The following MTCH2 variants were observed in gnomAD, a reference collection of about 807,000 sequenced individuals.
MTCH2 encodes the protein mitochondrial carrier 2.
In MTCH2, 25 loss-of-function variants were observed where a neutral mutation model predicts 50.6. The ratio of observed to expected loss-of-function variants is 0.49; its 90% CI spans 0.36 to 0.69. The LOEUF (loss-of-function observed/expected upper bound fraction) is 0.69, where lower values mean the gene tolerates loss of function less well. MTCH2 is among the 30% of genes least tolerant of loss of function. The probability of loss-of-function intolerance (pLI) is 0.00; values close to 1 mark genes in which losing one functional copy is unlikely to be tolerated. For synonymous variants in MTCH2, 106 were observed against 132.0 expected (o/e 0.80, Z 1.35); for missense variants, 273 against 384.4 (o/e 0.71, Z 2.42).
the MTCH2 span, among the ~76,000 whole-genome samples, chr11:47,605,281 G>T: frequency 6.6e-6 from 1 of 152,218 alleles, no homozygotes; most frequent in Non-Finnish European, 1.5e-5. Flanking sequence ...AACAAGAGGT[G>T]GGGAGAGCCA....
At chr11:47,642,002 G>T (rs908336503) in intron 1 of MTCH2, among the ~76,000 whole-genome samples, 1 of 152,244 alleles carries the variant, frequency 6.6e-6, no homozygotes, top group Non-Finnish European at 1.5e-5. Flanking sequence ...AGATTTTGGG[G>T]GGAGTAGTGG....
chr11:47,622,792 AC>A lies in MTCH2; in HGVS notation c.750-17del. On this transcript the variant is annotated splice_polypyrimidine_tract_variant and intron_variant, in intron 11 of 12. Coordinates refer to ENST00000302503, the MANE Select transcript of MTCH2 (RefSeq NM_014342.4). The stretch of plus-strand genomic sequence containing the variant: ...ACCAGCAAGACTAAAATAGAAAAAA[AC>A]ATGGAGCTATTCATGTTAATATTAA... The A allele has an allele frequency of 1.7e-6, 2 of 1,148,454 alleles. No homozygotes were observed. The highest frequency in any genetic ancestry group is 2.2e-6 in the Non-Finnish European group (2 of 924,104). 71.1% of individuals were successfully genotyped at this position (1,148,454 alleles called of 1,614,324 possible).
intron 8 of MTCH2, 127 bp downstream of exon 8, chr11:47,630,428 G>GA (rs1442346595): frequency 3.7e-6 from 3 of 818,776 alleles, no homozygotes; most frequent in African/African-American, 3.5e-5. Flanking sequence ...GGCCTAAATA[G>GA]AATGTAACGT....
chr11:47,611,595 G>A, the MTCH2 span, among the ~76,000 whole-genome samples: 9 of 152,162 alleles, frequency 5.9e-5, no homozygotes, highest in East Asian at 1.9e-4. Context: ...CTTTTCTTTC[G>A]TCCACGTGTC....
At position 47,625,688 on chromosome 11, in the gene MTCH2, A is replaced by G; in HGVS notation, c.735T>C (p.Ala245=). 6.2e-7 allele frequency: 1 copy of G among 1,612,900 alleles called. No individual in the cohort carries two copies. The highest frequency in any genetic ancestry group is 8.5e-7 in the Non-Finnish European group (1 of 1,178,964). ...AAAGTGCTTACCCACAGTTGTTGAC[A>G]GCCATAAGATTGGAGACAAGCACAA... ...YPFVLVSNLM[A]VNNCGLAGGC... is the part of the protein sequence containing the mutation. The change falls in exon 11 of 13, where the codon GCT becomes GCC. Residue 245 remains alanine, a synonymous_variant. Coordinates refer to ENST00000302503, the MANE Select transcript of MTCH2 (RefSeq NM_014342.4).
intron 12 of MTCH2, among the ~76,000 whole-genome samples, chr11:47,621,676 C>T (rs2097293381): frequency 6.6e-6 from 1 of 152,112 alleles, no homozygotes; most frequent in Non-Finnish European, 1.5e-5. Flanking sequence ...CTCAAGTGAT[C>T]TGCCCGCCTT....
At chr11:47,629,111 G>C in intron 8 of MTCH2, 65 bp from the exon 9 acceptor site, 1 of 1,319,542 alleles carries the variant, frequency 7.6e-7, no homozygotes, top group Non-Finnish European at 1.1e-6. Context: ...AGGCTCTTCA[G>C]TACAAATGTT....
intron 2 of MTCH2, 34 bp downstream of exon 2, chr11:47,638,933 G>A (rs747500540): frequency 1.9e-5 from 31 of 1,591,016 alleles, no homozygotes; most frequent in Middle Eastern, 1.7e-4. Context: ...AGTCCTCAAC[G>A]TCATGCAAAC....
chr11:47,616,183 C>T (rs892166112), downstream of MTCH2, among the ~76,000 whole-genome samples: 2 of 152,092 alleles, frequency 1.3e-5, no homozygotes, highest in Admixed American at 6.6e-5. Flanking sequence ...GTTGCCCGGG[C>T]TGGTCTTGAG....
chr11:47,627,502 G>A (rs2097299216), intron 9 of MTCH2, among the ~76,000 whole-genome samples: 1 of 151,920 alleles, frequency 6.6e-6, no homozygotes, highest in Non-Finnish European at 1.5e-5. Flanking sequence ...TCAAACTCCT[G>A]GCTTCAGGCA....
chr11:47,634,444 G>A (rs1231184790), intron 5 of MTCH2, among the ~76,000 whole-genome samples: 3 of 152,116 alleles, frequency 2.0e-5, no homozygotes, highest in Admixed American at 6.6e-5. Context: ...TTCTAAAGAC[G>A]GAATGTGTGG....
intron 10 of MTCH2, among the ~76,000 whole-genome samples, 192 bp from the exon 11 acceptor site, chr11:47,625,933 C>T (rs969281902): frequency 1.3e-5 from 2 of 152,134 alleles, no homozygotes; most frequent in African/African-American, 2.4e-5. Context: ...ACCACTGCAT[C>T]CAACATTTTA....
chr11:47,604,337 G>A, the MTCH2 span, among the ~76,000 whole-genome samples: 1 of 151,652 alleles, frequency 6.6e-6, no homozygotes, highest in East Asian at 1.9e-4. Context: ...CTCTCAAACT[G>A]TCAAAGATCA....
downstream of MTCH2, among the ~76,000 whole-genome samples, chr11:47,616,904 G>A (rs1369107856): frequency 1.3e-5 from 2 of 151,030 alleles, no homozygotes; most frequent in African/African-American, 2.4e-5. Context: ...GGATGGTCTC[G>A]AATTCTCGAC....
chr11:47,634,956 A>G (rs1334250404), intron 4 of MTCH2, among the ~76,000 whole-genome samples: 1 of 151,922 alleles, frequency 6.6e-6, no homozygotes, highest in Non-Finnish European at 1.5e-5. Context: ...TATTTTTAGT[A>G]GAGACGGGGT....
chr11:47,631,246 T>C (rs758284654), intron 6 of MTCH2, among the ~76,000 whole-genome samples, 159 bp from the exon 7 acceptor site: 4 of 152,014 alleles, frequency 2.6e-5, no homozygotes, highest in Admixed American at 6.6e-5. Flanking sequence ...CCATCTCTAC[T>C]AAAAATACAA....
the MTCH2 span, among the ~76,000 whole-genome samples, chr11:47,610,047 A>C: frequency 6.6e-6 from 1 of 152,228 alleles, no homozygotes; most frequent in Non-Finnish European, 1.5e-5. Flanking sequence ...AAGTACCACC[A>C]CAGGCTTGGG....
At chr11:47,622,827 T>G in intron 11 of MTCH2, 51 bp from the exon 12 acceptor site, 1 of 989,372 alleles carries the variant, frequency 1.0e-6, no homozygotes, top group Non-Finnish European at 1.4e-6. Flanking sequence ...AACCATTCTC[T>G]TGAGACGTTG....
chr11:47,620,076 C>CAAACA (rs577608987), intron 12 of MTCH2, among the ~76,000 whole-genome samples: 46 of 151,276 alleles, frequency 3.0e-4, no homozygotes, highest in Non-Finnish European at 5.0e-4. Flanking sequence ...GCCTCCGTCT[C>CAAACA]AAACAAAACA....
Sources: gnomAD v4.1 joint callset for allele counts (sites outside exome capture counted in the v4.1 genomes callset) on GRCh38, gnomAD v4.1.1 for gene constraint, MANE v1.5 for transcripts, NCBI Gene and HGNC (gene_info 2026-07-23, HGNC 2026-07-21) for gene names.